PLIN2: variants seen among roughly 807,000 people sequenced by gnomAD.
The protein encoded by PLIN2 is perilipin 2, also known as perilipin-2.
A neutral mutation model predicts 30.6 loss-of-function variants in PLIN2; 33 were observed. The ratio of observed to expected loss-of-function variants is 1.08; its 90% CI spans 0.82 to 1.44. The LOEUF (loss-of-function observed/expected upper bound fraction) is 1.44. PLIN2 is among the 40% of genes most tolerant of loss of function. The probability of loss-of-function intolerance (pLI) is 0.00; values close to 1 mark genes in which losing one functional copy is unlikely to be tolerated. For missense variants in PLIN2, 610 were observed against 531.8 expected (o/e 1.15, Z -1.45); for synonymous variants, 205 against 201.1 (o/e 1.02, Z -0.16).
In PLIN2 at chr9:19,126,148, A is replaced by G. The variant is rs766637413; in HGVS notation, c.192T>C (p.Ser64=). 5.0e-6 allele frequency: 8 copies of G among 1,614,164 alleles called. No individual in the cohort carries two copies. In the Admixed American group the frequency reaches 5.0e-5, roughly 10 times the overall value. ...VKTITSVAMT[S]ALPIIQKLEP... is the part of the protein sequence containing the mutation. ...CTAGCTTCTGGATGATGGGCAGAGC[A>G]CTGGTCATGGCCACGGAGGTGATGG... Residue 64 remains serine, a synonymous_variant, in exon 3 of 8, where the codon AGT becomes AGC. Transcript: ENST00000276914.
At chr9:19,118,545 A>C (rs1818266537) in intron 6 of PLIN2, 90 bp from the exon 7 acceptor site, 6 of 1,152,174 alleles carry the variant, frequency 5.2e-6, no homozygotes, top group Non-Finnish European at 7.3e-6. Flanking sequence ...CAGGCAACAT[A>C]AAAACTAAGA....
chr9:19,118,190 C>T lies in PLIN2; in HGVS notation c.912+131G>A. 5 of 864,290 alleles carry T rather than the reference C, an allele frequency of 5.8e-6. No individual in the cohort carries two copies. In the Admixed American group the frequency reaches 1.5e-4, roughly 27 times the overall value. 53.5% of individuals were successfully genotyped at this position (864,290 alleles called of 1,614,324 possible). Reference sequence around the variant, plus strand: ...TGCTTTTCTGCCACATAACTAGCCACCTATGTACATGGTATTGTTCAACCT... The same window carrying T: ...TGCTTTTCTGCCACATAACTAGCCATCTATGTACATGGTATTGTTCAACCT... On this transcript the variant is annotated intron_variant, in intron 7 of 7. Transcript: ENST00000276914.
downstream of PLIN2, among the ~76,000 whole-genome samples, chr9:19,113,803 G>A (rs770943374): frequency 1.4e-5 from 2 of 141,722 alleles, no homozygotes. Context: ...ATGGAGTCTC[G>A]CCCTGTCGCT....
At chr9:19,124,594 C>G (rs1295579092) in intron 3 of PLIN2, among the ~76,000 whole-genome samples, 2 of 152,162 alleles carry the variant, frequency 1.3e-5, no homozygotes, top group Non-Finnish European at 2.9e-5. Context: ...AAAAGCAGTT[C>G]ATGTTGTGGA....
Position 19,116,218 on chromosome 9 carries a change from C to G in PLIN2, c.*30G>C, listed in dbSNP as rs1174170317. 5 of 1,527,100 alleles carry G rather than the reference C, an allele frequency of 3.3e-6. No homozygotes were observed. The highest frequency in any genetic ancestry group is 2.6e-5 in the South Asian group (2 of 76,762). 94.6% of individuals were successfully genotyped at this position (1,527,100 alleles called of 1,614,324 possible). A position where few individuals can be genotyped will look rare whatever the true frequency, so the allele number is the denominator to read the frequency against. On this transcript the variant is annotated 3_prime_UTR_variant, in exon 8 of 8. Transcript: ENST00000276914. ...ATAACAAAAGGTGTCATCTGTCTGGCCACAGCATGCACTAGTGATAGGGGC... is the reference window on the plus strand; with the variant it reads ...ATAACAAAAGGTGTCATCTGTCTGGGCACAGCATGCACTAGTGATAGGGGC...
chr9:19,108,728 A>G (rs1011315662), exon 3 of PLIN2: 1 of 152,668 alleles, frequency 6.6e-6, no homozygotes, highest in Non-Finnish European at 1.5e-5. Context: ...TGTCAAGTCT[A>G]TGGTGGTGAA....
In PLIN2 at chr9:19,116,424, T is replaced by C; in HGVS notation, c.1138A>G (p.Lys380Glu). 1 of 1,614,218 alleles carries C rather than the reference T, an allele frequency of 6.2e-7. No individual in the cohort carries two copies. The highest frequency in any genetic ancestry group is 8.5e-7 in the Non-Finnish European group (1 of 1,180,032). The change falls in exon 8 of 8, where the codon AAA becomes GAA. Residue 380 changes from lysine to glutamate, a missense_variant. Transcript: ENST00000276914. ...ACGTCATCTAAAGATTCCTTCATTTTCTGCAGCTGCCCCTTGCTAGAAGTG... is the reference window on the plus strand; with the variant it reads ...ACGTCATCTAAAGATTCCTTCATTTCCTGCAGCTGCCCCTTGCTAGAAGTG... ...LLTSSKGQLQKMKESLDDVMD... is the reference protein window; with the variant it reads ...LLTSSKGQLQEMKESLDDVMD...
downstream of PLIN2, among the ~76,000 whole-genome samples, chr9:19,115,198 A>C (rs1818203318): frequency 6.6e-6 from 1 of 152,252 alleles, no homozygotes; most frequent in Non-Finnish European, 1.5e-5. Context: ...AAAGAGGGCC[A>C]ACTGTCACCT....
At chr9:19,112,705 C>CAAAA (rs34857189), downstream of PLIN2, among the ~76,000 whole-genome samples, 39 of 68,580 alleles carry the variant, frequency 5.7e-4, no homozygotes, top group Middle Eastern at 7.1e-3. Flanking sequence ...GAGCCCATCT[C>CAAAA]AAAAAAAAAA....
downstream of PLIN2, among the ~76,000 whole-genome samples, chr9:19,114,941 T>A (rs1818200912): frequency 6.6e-6 from 1 of 152,206 alleles, no homozygotes; most frequent in Non-Finnish European, 1.5e-5. Flanking sequence ...GGTTAGTGAC[T>A]TTTTCCCAAA....
intron 3 of PLIN2, among the ~76,000 whole-genome samples, chr9:19,123,980 T>A (rs555090253): frequency 1.4e-5 from 2 of 144,854 alleles, no homozygotes; most frequent in South Asian, 4.3e-4. Flanking sequence ...GATGCATCAT[T>A]GCACTCCAGC....
At chr9:19,108,993 C>G (rs1376635948) in intron 2 of PLIN2, among the ~76,000 whole-genome samples, 3 of 152,040 alleles carry the variant, frequency 2.0e-5, no homozygotes, top group African/African-American at 4.8e-5. Context: ...TTAAAAAATA[C>G]CAGATATAAA....
chr9:19,118,558 T>G (rs1818266781), intron 6 of PLIN2, 103 bp from the exon 7 acceptor site: 1 of 1,007,878 alleles, frequency 9.9e-7, no homozygotes, highest in South Asian at 1.6e-5. Context: ...AACTAAGAAT[T>G]TCCTGGAGTT....
chr9:19,126,140 GGCAGA>G lies in PLIN2; in HGVS notation c.195_199del (p.Leu66HisfsTer18). Reference sequence around the variant, plus strand: ...TTGCGGCTCTAGCTTCTGGATGATGGGCAGAGCACTGGTCATGGCCACGGAGGTGA... The same window carrying G: ...TTGCGGCTCTAGCTTCTGGATGATGGGCACTGGTCATGGCCACGGAGGTGA... On this transcript the variant is annotated frameshift_variant, in exon 3 of 8. Coordinates refer to ENST00000276914, the MANE Select transcript of PLIN2 (RefSeq NM_001122.4). LOFTEE classifies it high-confidence loss of function. 1 of 1,614,028 alleles carries G rather than the reference GGCAGA, an allele frequency of 6.2e-7. No individual in the cohort carries two copies. Among genetic ancestry groups the G allele is most frequent in the Non-Finnish European group, 8.5e-7 (1 of 1,179,960 alleles).
At position 19,118,248 on chromosome 9, in the gene PLIN2, T is replaced by C. The variant is rs112239326; in HGVS notation, c.912+73A>G. ...GAGAAGAGTATTCTAAGACATAGTA[T>C]GGAAAAATTGAAATGAAAAGTCTGA... On this transcript the variant is annotated intron_variant, in intron 7 of 7. Coordinates refer to ENST00000276914, the MANE Select transcript of PLIN2 (RefSeq NM_001122.4). 2.2e-5 allele frequency: 30 copies of C among 1,386,020 alleles called. No homozygotes were observed. The Middle Eastern group carries it at 5.5e-4, about 26-fold the overall frequency. 85.9% of individuals were successfully genotyped at this position (1,386,020 alleles called of 1,614,324 possible).
At chr9:19,123,402 A>T in intron 4 of PLIN2, 163 bp downstream of exon 4, 2 of 1,551,758 alleles carry the variant, frequency 1.3e-6, no homozygotes, top group South Asian at 1.2e-5. Flanking sequence ...ACTTGACAAC[A>T]GTTCAGGAAG....
chr9:19,120,437 A>G (rs991138445), intron 5 of PLIN2, among the ~76,000 whole-genome samples: 6 of 152,230 alleles, frequency 3.9e-5, no homozygotes, highest in Non-Finnish European at 8.8e-5. Flanking sequence ...AAAGCAATCC[A>G]TTAAAGACTA....
chr9:19,115,219 G>C (rs1207501820), downstream of PLIN2, among the ~76,000 whole-genome samples: 1 of 151,996 alleles, frequency 6.6e-6, no homozygotes, highest in Non-Finnish European at 1.5e-5. Flanking sequence ...AGTAAAATTT[G>C]AATATGCACA....
chr9:19,110,907 T>A (rs1165652499), downstream of PLIN2, among the ~76,000 whole-genome samples: 2 of 152,244 alleles, frequency 1.3e-5, no homozygotes, highest in African/African-American at 4.8e-5. Context: ...CATTATATTA[T>A]ATTTCATATT....
Sources: allele counts gnomAD v4.1 joint callset (sites outside exome capture counted in the v4.1 genomes callset), GRCh38; gene constraint gnomAD v4.1.1; transcripts MANE v1.5; gene names NCBI Gene and HGNC (gene_info 2026-07-23, HGNC 2026-07-21).